NPEPL1: variants seen among roughly 807,000 people sequenced by gnomAD.
The protein encoded by NPEPL1 is aminopeptidase like 1, also known as probable aminopeptidase NPEPL1.
Under a neutral mutation model 52.4 loss-of-function variants are expected in NPEPL1, and 45 were observed. That is an observed-to-expected ratio of 0.86 (90% CI 0.68 to 1.10). The LOEUF is 1.10. Among genes scored for constraint, NPEPL1 ranks in the 50% least tolerant of loss-of-function variants. The pLI is 0.00. For synonymous variants in NPEPL1, 360 were observed against 314.7 expected (o/e 1.14, Z -1.52); for missense variants, 696 against 710.9 (o/e 0.98, Z 0.24).
At chr20:58,695,114 TTTGCTGGTGTGTGCA>T (rs2084448335) in intron 3 of NPEPL1, among the ~76,000 whole-genome samples, 1 of 5,506 alleles carries the variant, frequency 1.8e-4, no homozygotes, top group African/African-American at 6.6e-4. Flanking sequence ...TGTGTGTGTG[TTTGCTGGTGTGTGCA>T]TGAGTGGTGT....
chr20:58,712,169 G>A (rs1433369753), intron 7 of NPEPL1, among the ~76,000 whole-genome samples: 1 of 152,204 alleles, frequency 6.6e-6, no homozygotes, highest in African/African-American at 2.4e-5. Context: ...TGTCGGCACA[G>A]GTTGGCGAGG....
At chr20:58,704,271 G>C (rs911739569) in intron 6 of NPEPL1, 2 of 977,930 alleles carry the variant, frequency 2.0e-6, no homozygotes, top group South Asian at 4.8e-5. Context: ...AGCCAGCCCA[G>C]CTCCCAGTTT....
chr20:58,714,482 A>G, intron 10 of NPEPL1, 78 bp from the exon 11 acceptor site: 1 of 1,051,792 alleles, frequency 9.5e-7, no homozygotes, highest in South Asian at 1.6e-5. Flanking sequence ...AGACAGCAAT[A>G]GTGACAGGCG....
Position 58,713,865 on chromosome 20 carries a change from G to A in NPEPL1, c.1126-52G>A, listed in dbSNP as rs2084904247. On this transcript the variant is annotated intron_variant, in intron 9 of 11. Coordinates refer to ENST00000356091, the MANE Select transcript of NPEPL1 (RefSeq NM_024663.4). This position sits in a 1 kb window ranked among gnomAD's most constrained non-coding sequence, Gnocchi z 4.6. ...TCCCGGTCCCTCTTTTGCCTTGGGTGTTTCTCTCCTGCCGTCCCGTCCACA... is the reference window on the plus strand; with the variant it reads ...TCCCGGTCCCTCTTTTGCCTTGGGTATTTCTCTCCTGCCGTCCCGTCCACA... The A allele has an allele frequency of 1.4e-6, 2 of 1,410,070 alleles. No individual in the cohort carries two copies. The highest frequency in any genetic ancestry group is 2.7e-5 in the East Asian group (1 of 36,662). 87.3% of individuals were successfully genotyped at this position (1,410,070 alleles called of 1,614,324 possible). A position where few individuals can be genotyped will look rare whatever the true frequency, so the allele number is the denominator to read the frequency against.
Position 58,713,302 on chromosome 20 carries a change from G to T in NPEPL1, c.1002-118G>T. On this transcript the variant is annotated intron_variant, in intron 8 of 11. Transcript: ENST00000356091. The surrounding 1 kb of genome is among the most constrained non-coding windows in gnomAD (Gnocchi z 4.6). ...GCCTTCCCATTCAGGGAACGTGTTG[G>T]GGTTCGGGGAGCCACAGGGATGGGC... 7.5e-7 allele frequency: 1 copy of T among 1,340,824 alleles called. No individual in the cohort carries two copies. The highest frequency in any genetic ancestry group is 2.6e-5 in the East Asian group (1 of 39,214). 83.1% of individuals were successfully genotyped at this position (1,340,824 alleles called of 1,614,324 possible). A position where few individuals can be genotyped will look rare whatever the true frequency, so the allele number is the denominator to read the frequency against.
intron 2 of NPEPL1, 121 bp from the exon 3 acceptor site, chr20:58,694,301 C>T (rs1434074954): frequency 4.9e-6 from 5 of 1,017,342 alleles, no homozygotes; most frequent in Non-Finnish European, 7.1e-6. Context: ...TGCTGTGGGA[C>T]ATCTCTGTCT....
intron 10 of NPEPL1, 100 bp from the exon 11 acceptor site, chr20:58,714,460 C>A: frequency 1.2e-6 from 1 of 866,384 alleles, no homozygotes; most frequent in Non-Finnish European, 1.7e-6. Flanking sequence ...CCAGCCACCC[C>A]GAGCTCCTTG....
At chr20:58,704,443 T>A in intron 6 of NPEPL1, 1 of 860,016 alleles carries the variant, frequency 1.2e-6, no homozygotes, top group South Asian at 5.3e-5. Flanking sequence ...CTATTGATAT[T>A]TACTCTACTG....
At chr20:58,706,571 A>G (rs1021063010) in intron 6 of NPEPL1, among the ~76,000 whole-genome samples, 16 of 152,270 alleles carry the variant, frequency 1.1e-4, no homozygotes, top group Admixed American at 3.3e-4. Context: ...GGAATCTGCA[A>G]TGGGTGCAGG....
At chr20:58,714,233 A>G in intron 10 of NPEPL1, 140 bp downstream of exon 10, 1 of 921,892 alleles carries the variant, frequency 1.1e-6, no homozygotes, top group Non-Finnish European at 1.6e-6. Flanking sequence ...CTTGAGAGGC[A>G]GGCGTCAGGG....
intron 6 of NPEPL1, chr20:58,703,702 T>C: frequency 1.0e-6 from 1 of 985,378 alleles, no homozygotes; most frequent in Non-Finnish European, 1.2e-6. Context: ...TGGGTAGACC[T>C]GTGCAGTTAG....
Position 58,701,175 on chromosome 20 carries a change from C to T in NPEPL1, c.822+17C>T, listed in dbSNP as rs771631251. 6.8e-7 allele frequency: 1 copy of T among 1,473,732 alleles called. No homozygotes were observed. The highest frequency in any genetic ancestry group is 9.1e-7 in the Non-Finnish European group (1 of 1,101,720). The allele number at this position is 1,473,732 out of a possible 1,614,324, so 91.3% of individuals were successfully genotyped here. A position where few individuals can be genotyped will look rare whatever the true frequency, so the allele number is the denominator to read the frequency against. ...AAAGGGAAGGTGAGGTGCGGGCTGG[C>T]TCTCAGGGTGCCCTGGGGGAGGGGA... On this transcript the variant is annotated intron_variant, in intron 6 of 11. Transcript: ENST00000356091.
chr20:58,710,009 G>C (rs956398744), intron 7 of NPEPL1, among the ~76,000 whole-genome samples: 2 of 150,736 alleles, frequency 1.3e-5, no homozygotes, highest in Non-Finnish European at 2.9e-5. Context: ...TCTGGGTGAA[G>C]GGTGTTGAGG....
At chr20:58,702,556 A>C (rs1190657508) in intron 6 of NPEPL1, among the ~76,000 whole-genome samples, 2 of 152,146 alleles carry the variant, frequency 1.3e-5, no homozygotes, top group African/African-American at 4.8e-5. Context: ...AATAGAAAAA[A>C]CATGCCTCCC....
At position 58,702,978 on chromosome 20, in the gene NPEPL1, T is replaced by C. The variant is rs527284532; in HGVS notation, c.822+1820T>C. Among the ~76,000 whole-genome samples, 7 of 152,326 alleles carry C rather than the reference T, an allele frequency of 4.6e-5. No homozygotes were observed. In the South Asian group the frequency reaches 1.5e-3, roughly 32 times the overall value. On this transcript the variant is annotated intron_variant, in intron 6 of 11. Coordinates refer to ENST00000356091, the MANE Select transcript of NPEPL1 (RefSeq NM_024663.4). The stretch of plus-strand genomic sequence containing the variant: ...AGTAACTCCAAGTGTTCACATGGAA[T>C]GAGGGAAGTGAAGGAACGCAGGTTC...
At chr20:58,708,615 C>T (rs549661561) in intron 7 of NPEPL1, among the ~76,000 whole-genome samples, 1 of 152,306 alleles carries the variant, frequency 6.6e-6, no homozygotes, top group East Asian at 1.9e-4. Context: ...TACTCCTTCA[C>T]TGGTTATAAA....
chr20:58,711,979 T>C (rs533564606), intron 7 of NPEPL1, among the ~76,000 whole-genome samples: 1 of 152,334 alleles, frequency 6.6e-6, no homozygotes, highest in East Asian at 1.9e-4. Context: ...TTAGAACCTG[T>C]GCAGGGCAGG....
At position 58,714,616 on chromosome 20, in the gene NPEPL1, CT is replaced by C. The variant is rs1407265247; in HGVS notation, c.1361del (p.Phe454SerfsTer43). On this transcript the variant is annotated frameshift_variant, in exon 11 of 12. Transcript: ENST00000356091. LOFTEE classifies it high-confidence loss of function. Reference sequence around the variant, plus strand: ...GCCTCTTCATCGCCTCACACATCGGCTTCGACTGGCCCGGAGTCTGGGTCCA... The same window carrying C: ...GCCTCTTCATCGCCTCACACATCGGCTCGACTGGCCCGGAGTCTGGGTCCA... ...AGLFIASHIG[F>X]DWPGVWVHLD... The C allele has an allele frequency of 6.3e-7, 1 of 1,597,814 alleles. No individual in the cohort carries two copies. Among genetic ancestry groups the C allele is most frequent in the African/African-American group, 1.3e-5 (1 of 74,648 alleles).
intron 7 of NPEPL1, among the ~76,000 whole-genome samples, chr20:58,710,386 A>G (rs1218740727): frequency 6.6e-6 from 1 of 152,024 alleles, no homozygotes; most frequent in African/African-American, 2.4e-5. Flanking sequence ...TTTCACAGTG[A>G]AATGTTTTGA....
Sources: allele counts gnomAD v4.1 joint callset (sites outside exome capture counted in the v4.1 genomes callset), GRCh38; gene constraint gnomAD v4.1.1; non-coding constraint Gnocchi (gnomAD v3.1); transcripts MANE v1.5; gene names NCBI Gene and HGNC (gene_info 2026-07-23, HGNC 2026-07-21).